The following SLC4A10 variants were observed in gnomAD, a reference collection of about 807,000 sequenced individuals.
SLC4A10 encodes the protein solute carrier family 4 member 10.
In SLC4A10, 42 loss-of-function variants were observed where a neutral mutation model predicts 137.7. The observed-to-expected ratio is 0.30, with a 90% CI of 0.24 to 0.39. SLC4A10 has a LOEUF of 0.39. SLC4A10 is among the 10% of genes least tolerant of loss of function. SLC4A10 has a pLI of 1.00. For synonymous variants in SLC4A10, 474 were observed against 464.1 expected, an observed-to-expected ratio of 1.02 and a Z score of -0.27; for missense variants, 925 against 1,355.0, an observed-to-expected ratio of 0.68 and a Z score of 4.98.
chr2:161,698,736 G>T (rs1344487697), intron 1 of SLC4A10, among the ~76,000 whole-genome samples: 1 of 152,110 alleles, frequency 6.6e-6, no homozygotes, highest in Non-Finnish European at 1.5e-5. Flanking sequence ...TTTTTGCATC[G>T]ATGTTCATCA....
At chr2:161,753,952 C>T (rs1459110908) in intron 1 of SLC4A10, among the ~76,000 whole-genome samples, 3 of 151,524 alleles carry the variant, frequency 2.0e-5, no homozygotes, top group African/African-American at 7.3e-5. Flanking sequence ...TGCAGTGGCG[C>T]AATCTTGGCT....
intron 1 of SLC4A10, among the ~76,000 whole-genome samples, chr2:161,658,144 G>T (rs981165734): frequency 1.3e-5 from 2 of 151,990 alleles, no homozygotes; most frequent in Non-Finnish European, 2.9e-5. Flanking sequence ...TTCAACATAT[G>T]CTTACAGATT....
intron 1 of SLC4A10, among the ~76,000 whole-genome samples, chr2:161,753,229 A>G (rs1441866983): frequency 6.6e-6 from 1 of 152,074 alleles, no homozygotes; most frequent in Non-Finnish European, 1.5e-5. Flanking sequence ...TCATTTTTAT[A>G]CTTTCAGTGG....
rs1435419738 is a variant in SLC4A10, at chr2:161,942,896, C to T, written c.2102C>T (p.Ser701Leu). 3 of 1,582,764 alleles carry T rather than the reference C, an allele frequency of 1.9e-6. No individual in the cohort carries two copies. Among genetic ancestry groups the T allele is most frequent in the African/African-American group, 2.7e-5 (2 of 74,382 alleles). ...ATAATTTGGGAGAACCTAACTGTGT[C>T]AGTAAGTAAAACACTGAAAAATAAG... is the stretch of plus-strand genomic sequence containing the variant. Reference protein sequence around the residue: ...SDIIWENLTVSECKSLHGEYV... With the variant: ...SDIIWENLTVLECKSLHGEYV... The change falls in exon 16 of 27, where the codon TCA becomes TTA. Residue 701 changes from serine (S) to leucine (L), a missense_variant and splice_region_variant. Coordinates refer to ENST00000446997, the MANE Select transcript of SLC4A10 (RefSeq NM_001178015.2).
At chr2:161,767,010 T>C (rs2050881229) in intron 1 of SLC4A10, among the ~76,000 whole-genome samples, 1 of 148,744 alleles carries the variant, frequency 6.7e-6, no homozygotes, top group Non-Finnish European at 1.5e-5. Flanking sequence ...TTGAAATGTA[T>C]CTATAATCCT....
Position 161,879,280 on chromosome 2 carries a change from C to A in SLC4A10, c.1098C>A (p.Ile366=), listed in dbSNP as rs1446104020. 3 of 1,609,046 alleles carry A rather than the reference C, an allele frequency of 1.9e-6. No individual in the cohort carries two copies. In the East Asian group the frequency reaches 6.7e-5, roughly 36 times the overall value. The change falls in exon 9 of 27, where the codon ATC becomes ATA. Residue 366 remains isoleucine (I), a synonymous_variant. Transcript: ENST00000446997. ...VLLQGLAEVP[I]PTRFLFILLG... The stretch of plus-strand genomic sequence containing the variant: ...TTCAAGGACTGGCTGAAGTCCCAAT[C>A]CCAACCAGGTAAAAAGTATAAAAGC...
chr2:161,680,228 CTGTGAACT>C (rs1487935572), intron 1 of SLC4A10, among the ~76,000 whole-genome samples: 1 of 152,064 alleles, frequency 6.6e-6, no homozygotes, highest in East Asian at 1.9e-4. Flanking sequence ...CTCTACTGGA[CTGTGAACT>C]TATTAAGGGC....
At chr2:161,744,654 A>G (rs2048228879) in intron 1 of SLC4A10, among the ~76,000 whole-genome samples, 1 of 152,166 alleles carries the variant, frequency 6.6e-6, no homozygotes, top group African/African-American at 2.4e-5. Context: ...ATTATTTTCA[A>G]TGGATGACAA....
At chr2:161,680,706 G>A (rs1470413463) in intron 1 of SLC4A10, among the ~76,000 whole-genome samples, 1 of 151,996 alleles carries the variant, frequency 6.6e-6, no homozygotes, top group Non-Finnish European at 1.5e-5. Context: ...CAGCTTTAAG[G>A]TGTAATTTAC....
intron 1 of SLC4A10, among the ~76,000 whole-genome samples, chr2:161,715,830 G>C (rs1221692359): frequency 1.3e-5 from 2 of 152,102 alleles, no homozygotes; most frequent in East Asian, 1.9e-4. Flanking sequence ...ATAATAGAAT[G>C]ATTTATATTC....
chr2:161,851,138 C>G (rs2059808294), intron 4 of SLC4A10, among the ~76,000 whole-genome samples: 1 of 152,096 alleles, frequency 6.6e-6, no homozygotes, highest in African/African-American at 2.4e-5. Context: ...AGTATGTGGT[C>G]AATTTTAGAA....
intron 8 of SLC4A10, among the ~76,000 whole-genome samples, chr2:161,878,207 C>T (rs1260134880): frequency 6.6e-6 from 1 of 152,076 alleles, no homozygotes; most frequent in Non-Finnish European, 1.5e-5. Flanking sequence ...ATTTCATTAA[C>T]ATCAGAGCAT....
intron 1 of SLC4A10, among the ~76,000 whole-genome samples, chr2:161,660,580 C>A (rs892205899): frequency 9.3e-5 from 12 of 129,626 alleles, no homozygotes; most frequent in Non-Finnish European, 2.1e-4. Context: ...TTCTTTCTTT[C>A]TTTCTTTCTT....
At chr2:161,917,778 G>C (rs955904530) in intron 15 of SLC4A10, among the ~76,000 whole-genome samples, 10 of 152,130 alleles carry the variant, frequency 6.6e-5, no homozygotes, top group Admixed American at 5.9e-4. Context: ...AGAGTGAAGG[G>C]ATCATTAGGG....
chr2:161,879,386 A>G, intron 9 of SLC4A10, 98 bp downstream of exon 9: 2 of 1,283,034 alleles, frequency 1.6e-6, no homozygotes, highest in Non-Finnish European at 2.1e-6. Context: ...AGTTTTGACT[A>G]GAAACTAATG....
chr2:161,962,919 T>C (rs771933534), intron 21 of SLC4A10, among the ~76,000 whole-genome samples: 7 of 152,168 alleles, frequency 4.6e-5, no homozygotes, highest in Non-Finnish European at 4.4e-5. Flanking sequence ...GAGAATTGCC[T>C]ACAGTTTTTA....
In SLC4A10 at chr2:161,900,942, G is replaced by A. The variant is rs185463710; in HGVS notation, c.1373G>A (p.Gly458Glu). 4 of 1,564,928 alleles carry A rather than the reference G, an allele frequency of 2.6e-6. No homozygotes were observed. The highest frequency in any genetic ancestry group is 2.4e-5 in the East Asian group (1 of 42,002). The change falls in exon 12 of 27, where the codon GGA becomes GAA. Residue 458 changes from glycine to glutamate, a missense_variant. Gly to Glu is a moderately conservative substitution (Grantham distance 98, BLOSUM62 -2). Transcript: ENST00000446997. ...AGGAAGATTCCTGCTGTACCAAATG[G>A]AACAGCAGCTCATGGGGAAGCAGAG... ...EKRKIPAVPN[G>E]TAAHGEAEPH... is the part of the protein sequence containing the mutation.
chr2:161,750,034 A>G (rs1313406914), intron 1 of SLC4A10, among the ~76,000 whole-genome samples: 1 of 151,684 alleles, frequency 6.6e-6, no homozygotes. Flanking sequence ...CAATTTGTTG[A>G]CATATAATTG....
At chr2:161,777,269 T>A (rs1324978137) in intron 2 of SLC4A10, among the ~76,000 whole-genome samples, 1 of 151,884 alleles carries the variant, frequency 6.6e-6, no homozygotes, top group Non-Finnish European at 1.5e-5. Flanking sequence ...TCTTACCAGA[T>A]ATATGATTAG....
Sources: allele counts gnomAD v4.1 joint callset (sites outside exome capture counted in the v4.1 genomes callset), GRCh38; gene constraint gnomAD v4.1.1; transcripts MANE v1.5; gene names NCBI Gene and HGNC (gene_info 2026-07-23, HGNC 2026-07-21).